Variants in PTPN22 observed in about 807,000 individuals in gnomAD.
The protein encoded by PTPN22 is tyrosine-protein phosphatase non-receptor type 22.
In PTPN22, 85 loss-of-function variants were observed where a neutral mutation model predicts 103.3. The ratio of observed to expected loss-of-function variants is 0.82; its 90% CI spans 0.69 to 0.99. The LOEUF is 0.99. PTPN22 is among the 50% of genes least tolerant of loss of function. The pLI is 0.00. For synonymous variants in PTPN22, 323 were observed against 310.2 expected (o/e 1.04, Z -0.43); for missense variants, 865 against 936.9 (o/e 0.92, Z 1.00).
intron 10 of PTPN22, among the ~76,000 whole-genome samples, chr1:113,850,272 G>GAAA (rs1664469696): frequency 7.6e-6 from 1 of 132,102 alleles, no homozygotes; most frequent in African/African-American, 2.9e-5. Context: ...AAGGAAGGAA[G>GAAA]GAAAGAAAGG....
At position 113,859,070 on chromosome 1, in the gene PTPN22, T is replaced by C. The variant is rs202095629; in HGVS notation, c.205A>G (p.Ser69Gly). ...GTTATCAGGGATAGTTCTACCCGGC[T>C]ATAATCATCTATAATACAAAAGACA... Residue 69 changes from serine (S) to glycine (G), a missense_variant, in exon 3 of 21, where the codon AGC becomes GGC. By Grantham distance (56) the Ser-to-Gly change is moderately conservative. Around this residue, in one of 3 missense-constraint regions of PTPN22, gnomAD observed 457 missense variants for 529.1 expected, o/e 0.86. Coordinates refer to ENST00000359785, the Ensembl canonical transcript of PTPN22. The C allele has an allele frequency of 1.1e-5, 18 of 1,613,412 alleles. No individual in the cohort carries two copies. The East Asian group carries it at 4.0e-4, about 36-fold the overall frequency.
exon 4 of PTPN22, chr1:113,858,561 G>A (rs756956251): frequency 6.3e-7 from 1 of 1,587,296 alleles, no homozygotes; most frequent in African/African-American, 1.3e-5. Flanking sequence ...TAAGCCTTGG[G>A]TCCATAAACT....
chr1:113,868,573 A>G (rs1029181433), intron 1 of PTPN22, among the ~76,000 whole-genome samples: 1 of 152,138 alleles, frequency 6.6e-6, no homozygotes, highest in African/African-American at 2.4e-5. Flanking sequence ...GGAAGACTCT[A>G]TTTTTCCACT....
At chr1:113,858,202 C>T (rs1665242476) in intron 4 of PTPN22, among the ~76,000 whole-genome samples, 1 of 152,056 alleles carries the variant, frequency 6.6e-6, no homozygotes, top group South Asian at 2.1e-4. Flanking sequence ...GGACTACAGG[C>T]ACACACCACC....
intron 19 of PTPN22, 144 bp from the exon 20 acceptor site, chr1:113,819,798 A>C: frequency 2.1e-6 from 1 of 475,234 alleles, no homozygotes; most frequent in Admixed American, 3.9e-5. Flanking sequence ...GTAGGTGCTT[A>C]CAAATGGGTT....
intron 11 of PTPN22, among the ~76,000 whole-genome samples, chr1:113,843,386 TG>T (rs537549381): frequency 2.0e-5 from 3 of 152,046 alleles, no homozygotes; most frequent in Non-Finnish European, 4.4e-5. Flanking sequence ...CGTTACAACA[TG>T]GATGAACCTT....
chr1:113,871,140 T>C (rs1279611405), intron 1 of PTPN22, among the ~76,000 whole-genome samples: 2 of 152,184 alleles, frequency 1.3e-5, no homozygotes, highest in Non-Finnish European at 2.9e-5. Flanking sequence ...AGGCTAAAAA[T>C]GTAATATTGC....
chr1:113,831,811 C>T lies in PTPN22; in HGVS notation c.2053+1300G>A, dbSNP rs559909336. Among the ~76,000 whole-genome samples the T allele has an allele frequency of 9.8e-5, 15 of 152,320 alleles. No individual in the cohort carries two copies. In the South Asian group the frequency reaches 3.1e-3, roughly 32 times the overall value. Reference sequence around the variant, plus strand: ...CACACAGATTATCACTTAGTGGTTCCACGTGAGTATTAATTTTATCTACTC... The same window carrying T: ...CACACAGATTATCACTTAGTGGTTCTACGTGAGTATTAATTTTATCTACTC... On this transcript the variant is annotated intron_variant, in intron 16 of 20. Coordinates refer to ENST00000359785, the Ensembl canonical transcript of PTPN22.
intron 10 of PTPN22, among the ~76,000 whole-genome samples, chr1:113,850,039 CA>C (rs537044402): frequency 6.6e-6 from 1 of 151,342 alleles, no homozygotes; most frequent in Non-Finnish European, 1.5e-5. Flanking sequence ...ACTAAAAATA[CA>C]AAAAAAATTA....
chr1:113,819,566 AAC>A lies in PTPN22; in HGVS notation c.2359+9_2359+10del. 1.3e-6 allele frequency: 2 copies of A among 1,582,128 alleles called. No individual in the cohort carries two copies. The highest frequency in any genetic ancestry group is 1.7e-6 in the Non-Finnish European group (2 of 1,154,474). ...AATTTTTTTAACTCTTCAGTAAAAT[AAC>A]ACACATACCAAAATTCAGAAATGAG... On this transcript the variant is annotated intron_variant, in intron 20 of 20. Coordinates refer to ENST00000359785, the Ensembl canonical transcript of PTPN22.
chr1:113,825,099 A>C, intron 19 of PTPN22, 43 bp downstream of exon 19: 1 of 1,372,422 alleles, frequency 7.3e-7, no homozygotes, highest in Non-Finnish European at 1.0e-6. Context: ...TAAAAATTAC[A>C]AAATTGAGAA....
At chr1:113,848,440 T>C in intron 11 of PTPN22, 100 bp downstream of exon 11, 7 of 1,552,630 alleles carry the variant, frequency 4.5e-6, no homozygotes, top group Non-Finnish European at 6.1e-6. Flanking sequence ...CGCTCTCAAT[T>C]TAGTTGTGAC....
intron 19 of PTPN22, among the ~76,000 whole-genome samples, chr1:113,822,751 G>A (rs1226320334): frequency 6.6e-6 from 1 of 152,146 alleles, no homozygotes; most frequent in Non-Finnish European, 1.5e-5. Flanking sequence ...CATAAGGTCA[G>A]GAGATCAAGA....
intron 18 of PTPN22, among the ~76,000 whole-genome samples, chr1:113,828,208 T>C (rs1183589923): frequency 6.6e-6 from 1 of 152,146 alleles, no homozygotes; most frequent in East Asian, 1.9e-4. Context: ...CTTTGTCTTT[T>C]GATTTTTAAG....
intron 1 of PTPN22, among the ~76,000 whole-genome samples, chr1:113,869,642 G>A (rs182993796): frequency 2.6e-5 from 4 of 152,150 alleles, no homozygotes; most frequent in South Asian, 2.1e-4. Context: ...TGATCCACCC[G>A]CCTCGGCCTC....
At chr1:113,863,380 G>A (rs2243471) in intron 1 of PTPN22, among the ~76,000 whole-genome samples, 123,068 of 152,250 alleles carry the variant, frequency 0.81, 50,760 homozygotes, top group African/African-American at 0.96. Flanking sequence ...GGCGTGAGCC[G>A]CTGCGCTCAG....
exon 13 of PTPN22, chr1:113,837,648 T>C: frequency 6.2e-7 from 1 of 1,604,646 alleles, no homozygotes; most frequent in Non-Finnish European, 8.5e-7. Context: ...AATTCAGTGA[T>C]AAAGAATCAT....
chr1:113,844,478 C>A (rs770115834), intron 11 of PTPN22, among the ~76,000 whole-genome samples: 3 of 152,148 alleles, frequency 2.0e-5, no homozygotes, highest in East Asian at 1.9e-4. Context: ...AAACAAAAAA[C>A]CAATTCTGAT....
intron 11 of PTPN22, among the ~76,000 whole-genome samples, chr1:113,841,214 A>G (rs1663515946): frequency 6.6e-6 from 1 of 152,044 alleles, no homozygotes; most frequent in African/African-American, 2.4e-5. Context: ...GCAAGAACGA[A>G]ACTCCATCTC....
Sources: gnomAD v4.1 joint callset for allele counts (sites outside exome capture counted in the v4.1 genomes callset) on GRCh38, gnomAD v4.1.1 for gene constraint, gnomAD v4.1.1 regional missense constraint, MANE v1.5 for transcripts, NCBI Gene and HGNC (gene_info 2026-07-23, HGNC 2026-07-21) for gene names.